The following CTNND2 variants were observed in gnomAD, a reference collection of about 807,000 sequenced individuals.
CTNND2 encodes the protein catenin delta 2, also known as catenin delta-2.
A neutral mutation model predicts 144.4 loss-of-function variants in CTNND2; 22 were observed. That is an observed-to-expected ratio of 0.15 (90% CI 0.11 to 0.22). The LOEUF is 0.22. Ranked by LOEUF, CTNND2 falls within the 10% of genes least tolerant of loss-of-function variation. CTNND2 has a pLI of 1.00. For synonymous variants in CTNND2, 751 were observed against 695.6 expected (o/e 1.08, Z -1.25); for missense variants, 1,353 against 1,618.8 (o/e 0.84, Z 2.82).
rs764420850 is a variant in CTNND2 at position 11,518,772 on chromosome 5, T to A, written c.287+46172A>T. Among the ~76,000 whole-genome samples, 3 of 152,174 alleles carry A rather than the reference T, an allele frequency of 2.0e-5. No homozygotes were observed. In the South Asian group the frequency reaches 6.2e-4, roughly 32 times the overall value. On this transcript the variant is annotated intron_variant, in intron 3 of 21. Transcript: ENST00000304623. ...GTACAGGTTTATAGCCTAGGTGCAA[T>A]AGACTATACCATATAACCTGGTGTG...
intron 11 of CTNND2, among the ~76,000 whole-genome samples, chr5:11,196,584 C>T (rs1736876590): frequency 6.6e-6 from 1 of 152,200 alleles, no homozygotes; most frequent in South Asian, 2.1e-4. Flanking sequence ...GACCTAATTC[C>T]TAAACAGATT....
chr5:11,672,890 G>A (rs1050292940), intron 2 of CTNND2, among the ~76,000 whole-genome samples: 1 of 152,148 alleles, frequency 6.6e-6, no homozygotes, highest in African/African-American at 2.4e-5. Flanking sequence ...CTTCCTGGGT[G>A]AAGCAACACC....
chr5:10,992,263 G>A (rs1738766502), intron 19 of CTNND2, among the ~76,000 whole-genome samples: 1 of 152,188 alleles, frequency 6.6e-6, no homozygotes, highest in African/African-American at 2.4e-5. Context: ...GGAAACCCCG[G>A]ATTTGCAGAC....
intron 2 of CTNND2, among the ~76,000 whole-genome samples, chr5:11,687,568 A>G (rs1784712096): frequency 1.3e-5 from 2 of 152,350 alleles, no homozygotes; most frequent in South Asian, 2.1e-4. Flanking sequence ...GACCTAAAAC[A>G]TGGCTTAGGT....
intron 11 of CTNND2, among the ~76,000 whole-genome samples, chr5:11,179,309 A>C (rs1476988793): frequency 6.6e-6 from 1 of 151,570 alleles, no homozygotes; most frequent in Admixed American, 6.6e-5. Flanking sequence ...AAGCACAAAA[A>C]ACAAAAAAAC....
At chr5:10,996,816 C>T (rs965532826) in intron 18 of CTNND2, among the ~76,000 whole-genome samples, 25 of 152,072 alleles carry the variant, frequency 1.6e-4, no homozygotes, top group African/African-American at 5.1e-4. Flanking sequence ...CCAGGATGGT[C>T]TTGATCTCCT....
intron 6 of CTNND2, among the ~76,000 whole-genome samples, chr5:11,389,195 G>T (rs1457597483): frequency 6.6e-6 from 1 of 152,106 alleles, no homozygotes; most frequent in African/African-American, 2.4e-5. Context: ...AACTTTATTT[G>T]TCTTTCCCAC....
intron 2 of CTNND2, among the ~76,000 whole-genome samples, chr5:11,588,363 C>T (rs1779012304): frequency 6.6e-6 from 1 of 151,122 alleles, no homozygotes; most frequent in Admixed American, 6.6e-5. Context: ...TTACTTAATT[C>T]TCACAGAATT....
intron 16 of CTNND2, among the ~76,000 whole-genome samples, chr5:11,070,036 T>G (rs946955737): frequency 3.3e-5 from 5 of 152,312 alleles, no homozygotes; most frequent in African/African-American, 1.2e-4. Flanking sequence ...TATTCAAATC[T>G]TTCAACATAA....
At chr5:11,336,249 A>G (rs1026539118) in intron 9 of CTNND2, among the ~76,000 whole-genome samples, 1 of 152,174 alleles carries the variant, frequency 6.6e-6, no homozygotes, top group East Asian at 1.9e-4. Context: ...TTTGTTCAAC[A>G]TGCCAATAAC....
intron 11 of CTNND2, among the ~76,000 whole-genome samples, chr5:11,173,101 T>A (rs1219125809): frequency 1.3e-5 from 2 of 152,250 alleles, no homozygotes; most frequent in African/African-American, 4.8e-5. Context: ...TGGCACTGTA[T>A]ACAGTCAGGA....
chr5:11,741,972 T>C (rs535005043), intron 1 of CTNND2, among the ~76,000 whole-genome samples: 3 of 151,804 alleles, frequency 2.0e-5, no homozygotes, highest in Non-Finnish European at 2.9e-5. Flanking sequence ...ACATCATATG[T>C]TCTCACTCAT....
At chr5:11,649,948 A>T (rs1333582321) in intron 2 of CTNND2, among the ~76,000 whole-genome samples, 1 of 152,156 alleles carries the variant, frequency 6.6e-6, no homozygotes, top group African/African-American at 2.4e-5. Context: ...TTTAAATTAA[A>T]TGACTGAATG....
At chr5:11,807,854 T>G (rs893163152) in intron 1 of CTNND2, among the ~76,000 whole-genome samples, 15 of 152,210 alleles carry the variant, frequency 9.9e-5, no homozygotes, top group African/African-American at 3.4e-4. Flanking sequence ...TTAAAACTGC[T>G]AAGCCTATAA....
intron 13 of CTNND2, among the ~76,000 whole-genome samples, chr5:11,114,498 T>G (rs1397724243): frequency 6.6e-6 from 1 of 152,146 alleles, no homozygotes; most frequent in Non-Finnish European, 1.5e-5. Context: ...TCAAGAGCTT[T>G]TCTCTAAGGG....
intron 1 of CTNND2, among the ~76,000 whole-genome samples, chr5:11,866,519 A>G (rs889263607): frequency 2.0e-5 from 3 of 152,212 alleles, no homozygotes; most frequent in Non-Finnish European, 4.4e-5. Context: ...TACAAAAATT[A>G]GGAGGTCCCC....
chr5:11,373,797 T>A (rs889722850), intron 7 of CTNND2, among the ~76,000 whole-genome samples: 14 of 152,138 alleles, frequency 9.2e-5, no homozygotes, highest in Non-Finnish European at 8.8e-5. Flanking sequence ...CCCAGAAATA[T>A]CCATTCCTGA....
At position 11,142,608 on chromosome 5, in the gene CTNND2, C is replaced by CT. The variant is rs955587756; in HGVS notation, c.2159+16967dup. Among the ~76,000 whole-genome samples, 952 of 133,194 alleles carry CT rather than the reference C, an allele frequency of 7.1e-3. 3 individuals are homozygous for CT. The highest frequency in any genetic ancestry group is 0.02 in the Middle Eastern group (5 of 254). 87.4% of individuals were successfully genotyped at this position (133,194 alleles called of 152,430 possible). On this transcript the variant is annotated intron_variant, in intron 12 of 21. Transcript: ENST00000304623. ...AAAGGTTTGGTGTCAAATTTAAACT[C>CT]TTTTTTTTTTTTTTTTTTTGTTTGA...
At chr5:11,154,164 T>C (rs1758004192) in intron 12 of CTNND2, among the ~76,000 whole-genome samples, 1 of 152,194 alleles carries the variant, frequency 6.6e-6, no homozygotes, top group Non-Finnish European at 1.5e-5. Flanking sequence ...TGGTGTCACA[T>C]CCCCTGCGTA....
Sources: allele counts gnomAD v4.1 joint callset (sites outside exome capture counted in the v4.1 genomes callset), GRCh38; gene constraint gnomAD v4.1.1; transcripts MANE v1.5; gene names NCBI Gene and HGNC (gene_info 2026-07-23, HGNC 2026-07-21).